Variants in CPVL observed in about 807,000 individuals in gnomAD.
CPVL encodes the protein carboxypeptidase vitellogenic like, also known as probable serine carboxypeptidase CPVL.
Under a neutral mutation model 63.7 loss-of-function variants are expected in CPVL, and 51 were observed. That is an observed-to-expected ratio of 0.80 (90% CI 0.64 to 1.01). The LOEUF is 1.01. Ranked by LOEUF, CPVL falls within the 50% of genes least tolerant of loss-of-function variation. CPVL has a pLI of 0.00. For missense variants in CPVL, 530 were observed against 573.1 expected (o/e 0.92, Z 0.77); for synonymous variants, 195 against 206.0 (o/e 0.95, Z 0.46).
chr7:29,046,910 G>A (rs987905258), intron 11 of CPVL, among the ~76,000 whole-genome samples: 6 of 151,990 alleles, frequency 3.9e-5, no homozygotes, highest in Admixed American at 3.3e-4. Context: ...GAGTGCATTC[G>A]CATTTTTTTA....
chr7:29,115,792 A>G (rs1267458427), intron 2 of CPVL, among the ~76,000 whole-genome samples: 5 of 152,132 alleles, frequency 3.3e-5, no homozygotes, highest in African/African-American at 9.7e-5. Context: ...GAGAAAATAT[A>G]TAATAGAAAG....
chr7:29,008,933 G>A (rs1785493475), intron 12 of CPVL: 1 of 152,180 alleles, frequency 6.6e-6, no homozygotes, highest in Non-Finnish European at 1.5e-5. Context: ...GCGAGCCCAA[G>A]GCATAAGCTG....
At chr7:29,117,529 A>C (rs1788894370) in intron 2 of CPVL, among the ~76,000 whole-genome samples, 1 of 152,202 alleles carries the variant, frequency 6.6e-6, no homozygotes, top group Non-Finnish European at 1.5e-5. Flanking sequence ...ATAGTGGTTC[A>C]TATCATGGGC....
intron 12 of CPVL, among the ~76,000 whole-genome samples, chr7:29,007,357 T>C (rs964746333): frequency 1.3e-5 from 2 of 152,156 alleles, no homozygotes; most frequent in African/African-American, 4.8e-5. Context: ...AAGAAGACTT[T>C]TGGCAAATAA....
intron 11 of CPVL, among the ~76,000 whole-genome samples, chr7:29,047,541 T>C (rs1390508948): frequency 6.6e-6 from 1 of 152,208 alleles, no homozygotes; most frequent in African/African-American, 2.4e-5. Flanking sequence ...TCTGGGATTA[T>C]GTTGAATGAC....
chr7:29,117,624 A>G (rs1562777532), intron 2 of CPVL, among the ~76,000 whole-genome samples: 1 of 152,118 alleles, frequency 6.6e-6, no homozygotes, highest in Non-Finnish European at 1.5e-5. Context: ...GTTGGCCAGT[A>G]TAGGTTTTAA....
intron 1 of CPVL, among the ~76,000 whole-genome samples, chr7:29,139,182 A>G (rs1254624808): frequency 6.6e-6 from 1 of 152,200 alleles, no homozygotes; most frequent in Admixed American, 6.5e-5. Flanking sequence ...GCTCTGCCAC[A>G]ATTCCTGAAT....
At chr7:29,066,517 C>G (rs1321988290) in intron 9 of CPVL, among the ~76,000 whole-genome samples, 1 of 152,130 alleles carries the variant, frequency 6.6e-6, no homozygotes, top group East Asian at 1.9e-4. Context: ...GAGGACCTCA[C>G]TTAGAAGGTG....
intron 4 of CPVL, among the ~76,000 whole-genome samples, chr7:29,183,074 T>C (rs1798256432): frequency 7.1e-6 from 1 of 141,660 alleles, no homozygotes; most frequent in African/African-American, 2.7e-5. Flanking sequence ...CTGGAAAACA[T>C]GGCAGACTTT....
chr7:29,158,558 G>A (rs1289405242), intron 5 of CPVL, among the ~76,000 whole-genome samples: 1 of 151,948 alleles, frequency 6.6e-6, no homozygotes, highest in Non-Finnish European at 1.5e-5. Flanking sequence ...GTTTACCAGA[G>A]AGGAAAATAT....
intron 1 of CPVL, among the ~76,000 whole-genome samples, chr7:29,131,395 T>G (rs1007579160): frequency 1.4e-4 from 22 of 152,210 alleles, no homozygotes; most frequent in African/African-American, 5.1e-4. Flanking sequence ...AACTTCTCCC[T>G]GATTCTAAAA....
In CPVL at chr7:29,107,637, A is replaced by G. The variant is rs147764363; in HGVS notation, c.288+5067T>C. The stretch of plus-strand genomic sequence containing the variant: ...CTGGGACCACTGTGGAGCACATTAC[A>G]AACACTGATCCCTGGGCCCTCTCCA... On this transcript the variant is annotated intron_variant, in intron 3 of 12. Coordinates refer to ENST00000265394, the MANE Select transcript of CPVL (RefSeq NM_031311.5). Among the ~76,000 whole-genome samples, 562 of 152,342 alleles carry G rather than the reference A, an allele frequency of 3.7e-3. 1 individual carries two copies. Among genetic ancestry groups the G allele is most frequent in the Admixed American group, 6.3e-3 (96 of 15,304 alleles).
chr7:29,128,464 C>T (rs1790311346), intron 1 of CPVL, among the ~76,000 whole-genome samples: 2 of 152,072 alleles, frequency 1.3e-5, no homozygotes, highest in African/African-American at 4.8e-5. Context: ...GCCTGTAATC[C>T]CAGCACTTTG....
chr7:29,184,540 C>T (rs560222937), exon 4 of CPVL: 17 of 152,182 alleles, frequency 1.1e-4, no homozygotes, highest in East Asian at 5.8e-4. Flanking sequence ...CCAATGTTTC[C>T]GTTTGGATCT....
chr7:29,149,319 G>A (rs1050810986), upstream of CPVL, among the ~76,000 whole-genome samples: 8 of 149,762 alleles, frequency 5.3e-5, no homozygotes, highest in Admixed American at 5.4e-4. Context: ...AGCCCCCCGA[G>A]TAAGCTGGGA....
chr7:29,039,614 A>C (rs191335085), intron 11 of CPVL, among the ~76,000 whole-genome samples: 1 of 152,300 alleles, frequency 6.6e-6, no homozygotes, highest in African/African-American at 2.4e-5. Context: ...AAAATAAATC[A>C]TGTGAGGTCC....
chr7:29,053,066 C>T (rs188802515), intron 11 of CPVL, among the ~76,000 whole-genome samples: 64 of 152,250 alleles, frequency 4.2e-4, no homozygotes, highest in African/African-American at 1.5e-3. Context: ...AGATGTTCAT[C>T]GTTCATCATT....
rs959884838 is a variant in CPVL at position 28,995,499 on chromosome 7, T to C, written c.*273A>G. ...AAACTTCCTATTCAAGACCCTAAAA[T>C]TTCATTTATACATCTTGTCTCAGTG... is the stretch of plus-strand genomic sequence containing the variant. On this transcript the variant is annotated 3_prime_UTR_variant, in exon 13 of 13. Transcript: ENST00000265394. The C allele has an allele frequency of 6.4e-6, 2 of 310,894 alleles. No individual in the cohort carries two copies. The highest frequency in any genetic ancestry group is 1.2e-5 in the Non-Finnish European group (2 of 172,926). The allele number at this position is 310,894 out of a possible 1,614,324, so 19.3% of individuals were successfully genotyped here. A position where few individuals can be genotyped will look rare whatever the true frequency, so the allele number is the denominator to read the frequency against.
chr7:28,999,350 C>T (rs1447572373), intron 12 of CPVL, among the ~76,000 whole-genome samples: 3 of 152,222 alleles, frequency 2.0e-5, no homozygotes, highest in Admixed American at 6.5e-5. Context: ...TAAGAATTTG[C>T]ATATCTAACA....
Sources: allele counts gnomAD v4.1 joint callset (sites outside exome capture counted in the v4.1 genomes callset), GRCh38; gene constraint gnomAD v4.1.1; transcripts MANE v1.5; gene names NCBI Gene and HGNC (gene_info 2026-07-23, HGNC 2026-07-21).